Variants in BLK observed in about 807,000 individuals in gnomAD.
BLK encodes the protein BLK proto-oncogene, Src family tyrosine kinase.
A neutral mutation model predicts 61.8 loss-of-function variants in BLK; 64 were observed. That is an observed-to-expected ratio of 1.03 (90% CI 0.85 to 1.27). The LOEUF is 1.27. Ranked by LOEUF, BLK falls within the 50% of genes most tolerant of loss-of-function variation. The pLI, the probability that BLK is intolerant of heterozygous loss-of-function variation, is 0.00. For synonymous variants in BLK, 351 were observed against 272.0 expected (o/e 1.29, Z -2.86); for missense variants, 853 against 660.5 (o/e 1.29, Z -3.19).
At chr8:11,545,219 T>C (rs1357991123) in intron 2 of BLK, among the ~76,000 whole-genome samples, 1 of 152,180 alleles carries the variant, frequency 6.6e-6, no homozygotes, top group Non-Finnish European at 1.5e-5. Flanking sequence ...ATTTGTTTAT[T>C]CTTCTGTCAT....
intron 1 of BLK, among the ~76,000 whole-genome samples, chr8:11,523,155 G>C (rs1482604331): frequency 6.6e-6 from 1 of 152,150 alleles, no homozygotes; most frequent in Admixed American, 6.5e-5. Flanking sequence ...ACATTTGCAA[G>C]TGTGAACGAC....
chr8:11,514,190 A>G (rs1321884591), intron 1 of BLK, among the ~76,000 whole-genome samples: 2 of 152,128 alleles, frequency 1.3e-5, no homozygotes, highest in East Asian at 3.9e-4. Context: ...GGTCACCTTG[A>G]CCATGTGCTA....
Position 11,562,277 on chromosome 8 carries a change from G to A in BLK, c.1181-702G>A, listed in dbSNP as rs561720874. 5.9e-5 allele frequency among the ~76,000 whole-genome samples: 9 copies of A among 152,304 alleles called. No individual in the cohort carries two copies. In the East Asian group the frequency reaches 1.2e-3, roughly 20 times the overall value. ...GCATATAACTGAGGTGGAAATCTAC[G>A]TCACAAGAGAATCTGAAGGGGTCAC... is the stretch of plus-strand genomic sequence containing the variant. On this transcript the variant is annotated intron_variant, in intron 11 of 12. Coordinates refer to ENST00000259089, the MANE Select transcript of BLK (RefSeq NM_001715.3).
rs187743359 is a variant in BLK, at chr8:11,558,543, A to G, written c.1029+505A>G. The G allele has an allele frequency of 5.6e-4, 235 of 419,994 alleles. 2 individuals carry two copies. Among genetic ancestry groups the G allele is most frequent in the African/African-American group, 4.3e-3 (212 of 49,398 alleles). The allele number at this position is 419,994 out of a possible 1,614,324, so 26.0% of individuals were successfully genotyped here. On this transcript the variant is annotated intron_variant, in intron 10 of 12. Transcript: ENST00000259089. ...TGAGCTACACACAGATGCCAGGGAC[A>G]TGACTTCTCTGAGCCCTGGAGGACA...
chr8:11,514,977 C>T (rs559551843), intron 1 of BLK, among the ~76,000 whole-genome samples: 6 of 152,136 alleles, frequency 3.9e-5, no homozygotes, highest in African/African-American at 2.4e-5. Context: ...GGTTGAGGCA[C>T]GCACATGACT....
rs540704889 is a variant in BLK, at chr8:11,554,655, T to C, written c.473-88T>C. Reference sequence around the variant, plus strand: ...TGAAGAACAGAATTGGGGAACTTTTTTCAAAGCTTTAAAATGAGGCCCAAA... The same window carrying C: ...TGAAGAACAGAATTGGGGAACTTTTCTCAAAGCTTTAAAATGAGGCCCAAA... On this transcript the variant is annotated intron_variant, in intron 6 of 12. Transcript: ENST00000259089. 2.9e-5 allele frequency: 45 copies of C among 1,541,482 alleles called. 1 individual carries two copies. The Admixed American group carries it at 4.4e-4, about 15-fold the overall frequency.
intron 1 of BLK, among the ~76,000 whole-genome samples, chr8:11,534,661 A>G (rs1162115431): frequency 6.6e-6 from 1 of 152,200 alleles, no homozygotes; most frequent in African/African-American, 2.4e-5. Context: ...TCCACAAAAG[A>G]TCTTTTCACT....
intron 1 of BLK, among the ~76,000 whole-genome samples, chr8:11,512,458 T>C (rs1298896794): frequency 1.3e-5 from 2 of 152,158 alleles, no homozygotes; most frequent in Non-Finnish European, 2.9e-5. Flanking sequence ...AGCCCAACAG[T>C]TCTAATCATT....
At chr8:11,551,202 T>C (rs1585401889) in intron 6 of BLK, among the ~76,000 whole-genome samples, 1 of 152,222 alleles carries the variant, frequency 6.6e-6, no homozygotes, top group Non-Finnish European at 1.5e-5. Context: ...GTTAGTTTCC[T>C]GGGCTGCCGT....
At chr8:11,525,005 C>A (rs1256649643) in intron 1 of BLK, among the ~76,000 whole-genome samples, 1 of 151,334 alleles carries the variant, frequency 6.6e-6, no homozygotes, top group Admixed American at 6.6e-5. Context: ...TTAATTTTAT[C>A]TTTCACTCTA....
rs1475355928 is a variant in BLK, at chr8:11,508,011, T to C, written c.-2+13420T>C. Among the ~76,000 whole-genome samples the C allele has an allele frequency of 4.0e-5, 6 of 151,634 alleles. No individual in the cohort carries two copies. In the East Asian group the frequency reaches 1.2e-3, roughly 29 times the overall value. Reference sequence around the variant, plus strand: ...TCAGGCACACTGGTCAAGTAGGGGGTCATCACCAGGCCTTGGGTGCTTCTC... The same window carrying C: ...TCAGGCACACTGGTCAAGTAGGGGGCCATCACCAGGCCTTGGGTGCTTCTC... On this transcript the variant is annotated intron_variant, in intron 1 of 12. Coordinates refer to ENST00000259089, the MANE Select transcript of BLK (RefSeq NM_001715.3).
intron 11 of BLK, among the ~76,000 whole-genome samples, chr8:11,561,991 G>A (rs1473140145): frequency 6.6e-6 from 1 of 152,086 alleles, no homozygotes; most frequent in East Asian, 1.9e-4. Context: ...GCTAATTTTT[G>A]TATGTTTAGT....
Position 11,554,860 on chromosome 8 carries a change from C to T in BLK, c.590C>T (p.Ser197Leu), listed in dbSNP as rs150630845. 12 of 1,613,646 alleles carry T rather than the reference C, an allele frequency of 7.4e-6. No homozygotes were observed. Among genetic ancestry groups the T allele is most frequent in the South Asian group, 3.3e-5 (3 of 91,066 alleles). ...YYISPRITFP[S>L]LQALVQHYSK... ...ATCTCCCCCCGGATCACCTTCCCCTCGCTCCAGGCCCTGGTGCAGCACTAT... is the reference window on the plus strand; with the variant it reads ...ATCTCCCCCCGGATCACCTTCCCCTTGCTCCAGGCCCTGGTGCAGCACTAT... Residue 197 changes from serine to leucine, a missense_variant, in exon 7 of 13, where the codon TCG (serine) becomes TTG (leucine). Coordinates refer to ENST00000259089, the MANE Select transcript of BLK (RefSeq NM_001715.3).
chr8:11,557,848 G>C, intron 9 of BLK, 114 bp from the exon 10 acceptor site: 1 of 827,882 alleles, frequency 1.2e-6, no homozygotes, highest in Non-Finnish European at 2.1e-6. Flanking sequence ...GAGATCTGAG[G>C]GTGCAAACTC....
intron 1 of BLK, among the ~76,000 whole-genome samples, chr8:11,506,660 G>T (rs865954372): frequency 6.6e-6 from 1 of 152,166 alleles, no homozygotes; most frequent in Admixed American, 6.5e-5. Context: ...TAAGTTCTGG[G>T]AGCCTCATGA....
intron 1 of BLK, among the ~76,000 whole-genome samples, chr8:11,542,602 A>T (rs1800431868): frequency 6.6e-6 from 1 of 152,172 alleles, no homozygotes; most frequent in Non-Finnish European, 1.5e-5. Flanking sequence ...GCCATCCTAA[A>T]ATTCTTTACC....
intron 1 of BLK, among the ~76,000 whole-genome samples, chr8:11,515,118 G>A (rs1284578630): frequency 1.3e-5 from 2 of 152,142 alleles, no homozygotes; most frequent in African/African-American, 2.4e-5. Context: ...GAACTTTCAG[G>A]GTTTTGCCCT....
chr8:11,505,246 C>G (rs951152304), intron 1 of BLK, among the ~76,000 whole-genome samples: 1 of 152,224 alleles, frequency 6.6e-6, no homozygotes, highest in Admixed American at 6.5e-5. Flanking sequence ...TTGTAGAAAT[C>G]TAGTCACTTG....
rs544690947 is a variant in BLK, at chr8:11,564,317, C to G, written c.*209C>G. On this transcript the variant is annotated 3_prime_UTR_variant, in exon 13 of 13. Transcript: ENST00000259089. ...GGCGAGTTACGCGGCCTCTCTGTGC[C>G]GCTTCATTTGTAGAGGGCTGTAACA... 4.7e-5 allele frequency: 34 copies of G among 716,134 alleles called. No individual in the cohort carries two copies. The highest frequency in any genetic ancestry group is 3.5e-4 in the African/African-American group (20 of 57,624). 44.4% of individuals were successfully genotyped at this position (716,134 alleles called of 1,614,324 possible).
Sources: allele counts gnomAD v4.1 joint callset (sites outside exome capture counted in the v4.1 genomes callset), GRCh38; gene constraint gnomAD v4.1.1; transcripts MANE v1.5; gene names NCBI Gene and HGNC (gene_info 2026-07-23, HGNC 2026-07-21).